Variants in B4GALNT3 observed in about 807,000 individuals in gnomAD.
B4GALNT3 encodes beta-1,4-N-acetylgalactosaminyltransferase 3.
B4GALNT3 carries 86 observed loss-of-function variants against 120.2 expected under a neutral mutation model. That is an observed-to-expected ratio of 0.72 (90% CI 0.60 to 0.86). The LOEUF (loss-of-function observed/expected upper bound fraction) is 0.86, where lower values mean the gene tolerates loss of function less well. B4GALNT3 is among the 40% of genes least tolerant of loss of function. The pLI is 0.00. For synonymous variants in B4GALNT3, 518 were observed against 510.4 expected, an observed-to-expected ratio of 1.01 and a Z score of -0.20; for missense variants, 1,167 against 1,298.9, an observed-to-expected ratio of 0.90 and a Z score of 1.56.
At chr12:530,581 G>C (rs1342249061) in intron 1 of B4GALNT3, among the ~76,000 whole-genome samples, 1 of 152,188 alleles carries the variant, frequency 6.6e-6, no homozygotes, top group Non-Finnish European at 1.5e-5. Context: ...ATTATGTTCT[G>C]GGTAATAAAT....
chr12:557,413 C>T (rs1947170595), intron 15 of B4GALNT3, among the ~76,000 whole-genome samples, 195 bp from the exon 16 acceptor site: 1 of 152,144 alleles, frequency 6.6e-6, no homozygotes, highest in Non-Finnish European at 1.5e-5. Flanking sequence ...ATGCAGAGGC[C>T]CCCTTAACTG....
Position 556,547 on chromosome 12 carries a change from G to A in B4GALNT3, c.2061G>A (p.Gly687=). 4 of 1,609,568 alleles carry A rather than the reference G, an allele frequency of 2.5e-6. No individual in the cohort carries two copies. Among genetic ancestry groups the A allele is most frequent in the Non-Finnish European group, 3.4e-6 (4 of 1,176,368 alleles). ...FLKKLNQRSR[G]RYQLQRIVNV... ...AGCCTCCCCACACTTTCTGCCATAGGAGGTACCAGCTACAGCGCATTGTGA... is the reference window on the plus strand; with the variant it reads ...AGCCTCCCCACACTTTCTGCCATAGAAGGTACCAGCTACAGCGCATTGTGA... The change falls in exon 15 of 20, where the codon GGG becomes GGA. Residue 687 remains glycine (G), a splice_region_variant and synonymous_variant. Transcript: ENST00000266383.
At position 543,136 on chromosome 12, in the gene B4GALNT3, T is replaced by G. The variant is rs760630233; in HGVS notation, c.352-1203T>G. ...GCATGGGAGGTCCAGGGAGAGTATG[T>G]GTGTGTGTGTGCATGGCCAGAGCAG... On this transcript the variant is annotated intron_variant, in intron 3 of 19. Transcript: ENST00000266383. 6.2e-6 allele frequency: 8 copies of G among 1,288,092 alleles called. No homozygotes were observed. In the African/African-American group the frequency reaches 1.2e-4, roughly 20 times the overall value. The allele number at this position is 1,288,092 out of a possible 1,614,324, so 79.8% of individuals were successfully genotyped here. A position where few individuals can be genotyped will look rare whatever the true frequency, so the allele number is the denominator to read the frequency against.
At chr12:493,592 GTTT>G (rs34112834) in intron 1 of B4GALNT3, among the ~76,000 whole-genome samples, 93,943 of 147,198 alleles carry the variant, frequency 0.64, 29,815 homozygotes, top group East Asian at 0.79. Context: ...AAATATAATG[GTTT>G]TTTTTTTTTT....
intron 3 of B4GALNT3, chr12:543,282 G>C (rs538937215): frequency 4.4e-6 from 5 of 1,126,024 alleles, no homozygotes; most frequent in South Asian, 1.3e-5. Context: ...GAGGAGCACC[G>C]GCCCCTTTCT....
chr12:471,931 CAGT>C (rs1565587359), intron 1 of B4GALNT3, among the ~76,000 whole-genome samples: 1 of 152,168 alleles, frequency 6.6e-6, no homozygotes, highest in Non-Finnish European at 1.5e-5. Flanking sequence ...AATAAAACAG[CAGT>C]TTGTCATACT....
Position 558,003 on chromosome 12 carries a change from C to G in B4GALNT3, c.2535-13C>G. On this transcript the variant is annotated splice_polypyrimidine_tract_variant and intron_variant, in intron 16 of 19. Transcript: ENST00000266383. ...TGAGTCCTGATACGCAGCCCTCTCTCCCCTTCCTGCAGCTACCAGTACGTG... is the reference window on the plus strand; with the variant it reads ...TGAGTCCTGATACGCAGCCCTCTCTGCCCTTCCTGCAGCTACCAGTACGTG... 1 of 1,613,870 alleles carries G rather than the reference C, an allele frequency of 6.2e-7. No homozygotes were observed. Among genetic ancestry groups the G allele is most frequent in the Non-Finnish European group, 8.5e-7 (1 of 1,179,910 alleles).
At position 558,209 on chromosome 12, in the gene B4GALNT3, T is replaced by A. The variant is rs536804686; in HGVS notation, c.2607+121T>A. The A allele has an allele frequency of 8.7e-5, 96 of 1,098,356 alleles. No individual in the cohort carries two copies. In the African/African-American group the frequency reaches 1.4e-3, roughly 16 times the overall value. 68.0% of individuals were successfully genotyped at this position (1,098,356 alleles called of 1,614,324 possible). A position where few individuals can be genotyped will look rare whatever the true frequency, so the allele number is the denominator to read the frequency against. The stretch of plus-strand genomic sequence containing the variant: ...AGGACGGGAATGAGGACACAGGAGG[T>A]CCTCTCTGCTGTGCTGCAGGCCAGT... On this transcript the variant is annotated intron_variant, in intron 17 of 19. Coordinates refer to ENST00000266383, the MANE Select transcript of B4GALNT3 (RefSeq NM_173593.4).
intron 1 of B4GALNT3, among the ~76,000 whole-genome samples, chr12:506,874 G>C (rs1217789692): frequency 6.6e-6 from 1 of 152,202 alleles, no homozygotes; most frequent in African/African-American, 2.4e-5. Context: ...CTGACCTCGT[G>C]ATCCGCCCGC....
At chr12:535,102 CT>C (rs1946844955) in intron 1 of B4GALNT3, 63 bp from the exon 2 acceptor site, 1 of 1,389,306 alleles carries the variant, frequency 7.2e-7, no homozygotes, top group African/African-American at 1.4e-5. Context: ...CCTCCCAAAT[CT>C]TTTAGGTGTA....
intron 1 of B4GALNT3, among the ~76,000 whole-genome samples, chr12:512,107 CCTTCTTCCACCTTCGAG>C (rs1946580337): frequency 7.5e-6 from 1 of 133,802 alleles, no homozygotes; most frequent in African/African-American, 3.0e-5. Context: ...CCACCTTCCA[CCTTCTTCCACCTTCGAG>C]CTTCCACCTT....
chr12:529,450 G>A (rs1043631247), intron 1 of B4GALNT3, among the ~76,000 whole-genome samples: 3 of 152,318 alleles, frequency 2.0e-5, no homozygotes, highest in Admixed American at 6.5e-5. Flanking sequence ...GTTTCCACAC[G>A]AGCAAGCAGT....
chr12:559,397 G>A lies in B4GALNT3; in HGVS notation c.2864G>A (p.Gly955Glu). 1.9e-6 allele frequency: 3 copies of A among 1,613,974 alleles called. No homozygotes were observed. Among genetic ancestry groups the A allele is most frequent in the East Asian group, 2.2e-5 (1 of 44,860 alleles). ...AAGGAGTTCCGAGACCGCTGGGGCG[G>A]GGAAGACTGGGAGCTGCTGGACAGG... Reference protein sequence around the residue: ...NTKEFRDRWGGEDWELLDRIL... With the variant: ...NTKEFRDRWGEEDWELLDRIL... The change falls in exon 19 of 20, where the codon GGG becomes GAG. Residue 955 changes from glycine (G) to glutamate (E), a missense_variant. By Grantham distance (98) the Gly-to-Glu change is moderately conservative. This residue lies in a region of B4GALNT3 where 983 missense variants were observed against 1,102.5 expected (regional missense o/e 0.89). Transcript: ENST00000266383.
At chr12:518,828 G>A (rs1393198167) in intron 1 of B4GALNT3, among the ~76,000 whole-genome samples, 4 of 152,054 alleles carry the variant, frequency 2.6e-5, no homozygotes, top group East Asian at 1.9e-4. Context: ...TTCTATTATC[G>A]TATTTTTTAT....
At chr12:505,694 T>C (rs1330615529) in intron 1 of B4GALNT3, among the ~76,000 whole-genome samples, 1 of 151,990 alleles carries the variant, frequency 6.6e-6, no homozygotes, top group Admixed American at 6.6e-5. Flanking sequence ...TGGGGGAGAG[T>C]GTCCTGAAGA....
chr12:554,169 C>T (rs909795194), intron 14 of B4GALNT3, among the ~76,000 whole-genome samples, 186 bp downstream of exon 14: 1 of 152,214 alleles, frequency 6.6e-6, no homozygotes, highest in African/African-American at 2.4e-5. Flanking sequence ...AGGATCTTGA[C>T]CAGGCAGGTG....
At chr12:551,672 A>G (rs1271205684) in intron 11 of B4GALNT3, among the ~76,000 whole-genome samples, 1 of 152,170 alleles carries the variant, frequency 6.6e-6, no homozygotes, top group African/African-American at 2.4e-5. Flanking sequence ...TGAAGTAAAT[A>G]GGAAGAGGGG....
intron 1 of B4GALNT3, among the ~76,000 whole-genome samples, chr12:463,132 C>G (rs1459449370): frequency 1.3e-5 from 2 of 152,226 alleles, no homozygotes; most frequent in Non-Finnish European, 2.9e-5. Flanking sequence ...CTCCACCACC[C>G]ACCAGCTCCC....
rs1947173852 is a variant in B4GALNT3 at position 557,678 on chromosome 12, C to T, written c.2451C>T (p.Asp817=). 2.5e-6 allele frequency: 4 copies of T among 1,609,478 alleles called. No homozygotes were observed. Among genetic ancestry groups the T allele is most frequent in the East Asian group, 4.5e-5 (2 of 44,754 alleles). Residue 817 remains aspartate (D), a synonymous_variant, in exon 16 of 20, where the codon GAC becomes GAT. Coordinates refer to ENST00000266383, the MANE Select transcript of B4GALNT3 (RefSeq NM_173593.4). ...AAAACCTGTTCCAGGTCACCGGTGA[C>T]CCACACTTCAACATCGTCATCACTG... The part of the protein sequence containing the change: ...DMENLFQVTG[D]PHFNIVITDY...
Sources: gnomAD v4.1 joint callset for allele counts (sites outside exome capture counted in the v4.1 genomes callset) on GRCh38, gnomAD v4.1.1 for gene constraint, gnomAD v4.1.1 regional missense constraint, MANE v1.5 for transcripts, NCBI Gene and HGNC (gene_info 2026-07-23, HGNC 2026-07-21) for gene names.